STARD13: variants seen among roughly 807,000 people sequenced by gnomAD.
STARD13 encodes the protein stAR-related lipid transfer protein 13.
STARD13 carries 62 observed loss-of-function variants against 106.4 expected under a neutral mutation model. The observed-to-expected ratio is 0.58, with a 90% CI of 0.48 to 0.72. The LOEUF is 0.72. Ranked by LOEUF, STARD13 falls within the 30% of genes least tolerant of loss-of-function variation. STARD13 has a pLI of 0.00. For synonymous variants in STARD13, 565 were observed against 553.0 expected, an observed-to-expected ratio of 1.02 and a Z score of -0.31; for missense variants, 1,387 against 1,424.0, an observed-to-expected ratio of 0.97 and a Z score of 0.42.
chr13:33,482,688 G>A, the STARD13 span, among the ~76,000 whole-genome samples: 4 of 152,134 alleles, frequency 2.6e-5, no homozygotes, highest in African/African-American at 9.7e-5. Flanking sequence ...TTTTAAAAAT[G>A]CATCTTTTAA....
chr13:33,217,135 C>A (rs1250482747), intron 1 of STARD13, among the ~76,000 whole-genome samples: 1 of 152,196 alleles, frequency 6.6e-6, no homozygotes, highest in Non-Finnish European at 1.5e-5. Context: ...CAGGTCTCTT[C>A]TTTGGCCTCT....
At chr13:33,175,005 C>T (rs1884366514) in intron 1 of STARD13, among the ~76,000 whole-genome samples, 1 of 152,148 alleles carries the variant, frequency 6.6e-6, no homozygotes, top group Non-Finnish European at 1.5e-5. Flanking sequence ...AATGAGGAAA[C>T]TCATCAGAAA....
downstream of STARD13, among the ~76,000 whole-genome samples, chr13:33,348,186 C>T (rs906344278): frequency 4.6e-5 from 7 of 152,160 alleles, no homozygotes; most frequent in African/African-American, 1.7e-4. Flanking sequence ...CATTTTCAAA[C>T]CTCATACCGC....
At chr13:33,468,531 A>T in the STARD13 span, among the ~76,000 whole-genome samples, 4 of 152,202 alleles carry the variant, frequency 2.6e-5, no homozygotes, top group African/African-American at 9.6e-5. Context: ...TTATCATAGG[A>T]GTGGCTTCCT....
the STARD13 span, among the ~76,000 whole-genome samples, chr13:33,448,854 C>G: frequency 6.6e-6 from 1 of 152,016 alleles, no homozygotes; most frequent in Non-Finnish European, 1.5e-5. Flanking sequence ...AAATGTTGAG[C>G]TTTTTTTCAT....
At chr13:33,158,686 C>G (rs987414728) in intron 3 of STARD13, 2 of 152,202 alleles carry the variant, frequency 1.3e-5, no homozygotes, top group South Asian at 4.2e-4. Flanking sequence ...CATGACTTAC[C>G]ATAGGAGTGG....
intron 1 of STARD13, among the ~76,000 whole-genome samples, chr13:33,239,227 A>C (rs1445105816): frequency 1.3e-5 from 2 of 152,282 alleles, no homozygotes; most frequent in East Asian, 3.9e-4. Flanking sequence ...TTAAGGCTAA[A>C]TAGTATTCTA....
the STARD13 span, among the ~76,000 whole-genome samples, chr13:33,365,985 A>G: frequency 2.6e-5 from 4 of 152,044 alleles, no homozygotes; most frequent in Non-Finnish European, 5.9e-5. Context: ...ACATCCATTG[A>G]TAGTTTTCTT....
chr13:33,307,361 T>C (rs1404802783), intron 1 of STARD13, among the ~76,000 whole-genome samples: 1 of 152,196 alleles, frequency 6.6e-6, no homozygotes, highest in African/African-American at 2.4e-5. Flanking sequence ...CATGCATGTG[T>C]ATGTTCACTG....
chr13:33,462,072 A>G, the STARD13 span, among the ~76,000 whole-genome samples: 1 of 151,950 alleles, frequency 6.6e-6, no homozygotes, highest in Non-Finnish European at 1.5e-5. Context: ...TCTCTCACAA[A>G]CCCTGCACTC....
the STARD13 span, among the ~76,000 whole-genome samples, chr13:33,392,554 C>T: frequency 1.3e-5 from 2 of 151,950 alleles, no homozygotes; most frequent in African/African-American, 2.4e-5. Flanking sequence ...CATGTGCCAC[C>T]ACACCCAGCT....
intron 1 of STARD13, among the ~76,000 whole-genome samples, chr13:33,256,887 A>G (rs767193167): frequency 5.3e-5 from 8 of 152,220 alleles, no homozygotes; most frequent in Non-Finnish European, 7.4e-5. Flanking sequence ...TTGAACCACA[A>G]TGTTTGCAGT....
At chr13:33,408,183 C>T in the STARD13 span, among the ~76,000 whole-genome samples, 41 of 151,966 alleles carry the variant, frequency 2.7e-4, no homozygotes, top group African/African-American at 8.9e-4. Flanking sequence ...TAAAATTGAC[C>T]GTCGTAATCA....
chr13:33,158,446 G>A (rs1303496758), intron 3 of STARD13: 1 of 152,258 alleles, frequency 6.6e-6, no homozygotes, highest in Non-Finnish European at 1.5e-5. Context: ...ACTTGCGGGA[G>A]CTCTTTGACT....
At chr13:33,658,266 A>C in the STARD13 span, 3 of 152,840 alleles carry the variant, frequency 2.0e-5, no homozygotes, top group Admixed American at 2.0e-4. Context: ...GCTGAAGAGC[A>C]GTCCGTTGTA....
At chr13:33,547,264 A>T in the STARD13 span, among the ~76,000 whole-genome samples, 1 of 152,218 alleles carries the variant, frequency 6.6e-6, no homozygotes, top group East Asian at 1.9e-4. Flanking sequence ...TGTTTTAAAT[A>T]TGTTCCTATG....
chr13:33,218,858 T>A (rs936362970), intron 1 of STARD13, among the ~76,000 whole-genome samples: 1 of 152,168 alleles, frequency 6.6e-6, no homozygotes, highest in African/African-American at 2.4e-5. Context: ...CTGTGATAAA[T>A]ACGAATTAGG....
chr13:33,185,947 T>C (rs1885722838), intron 1 of STARD13: 1 of 1,614,222 alleles, frequency 6.2e-7, no homozygotes, highest in African/African-American at 1.3e-5. Context: ...TTGCATTCTC[T>C]GCACCAGCGC....
chr13:33,444,696 A>C, the STARD13 span, among the ~76,000 whole-genome samples: 1 of 152,126 alleles, frequency 6.6e-6, no homozygotes, highest in Non-Finnish European at 1.5e-5. Context: ...TGAACCCCAG[A>C]AGTTGAGGCT....
Sources: gnomAD v4.1 joint callset for allele counts (sites outside exome capture counted in the v4.1 genomes callset) on GRCh38, gnomAD v4.1.1 for gene constraint, MANE v1.5 for transcripts, NCBI Gene and HGNC (gene_info 2026-07-23, HGNC 2026-07-21) for gene names.